ABI2: variants seen among roughly 807,000 people sequenced by gnomAD.
ABI2 encodes abl interactor 2.
In ABI2, 25 loss-of-function variants were observed where a neutral mutation model predicts 59.2. The ratio of observed to expected loss-of-function variants is 0.42; its 90% CI spans 0.31 to 0.59. The LOEUF (loss-of-function observed/expected upper bound fraction) is 0.59. Among genes scored for constraint, ABI2 ranks in the 20% least tolerant of loss-of-function variants. The pLI is 0.14. For missense variants in ABI2, 545 were observed against 681.8 expected (o/e 0.80, Z 2.23); for synonymous variants, 213 against 235.5 (o/e 0.90, Z 0.87).
intron 9 of ABI2, among the ~76,000 whole-genome samples, chr2:203,409,634 G>A (rs1174556760): frequency 6.6e-6 from 1 of 152,124 alleles, no homozygotes; most frequent in Non-Finnish European, 1.5e-5. Flanking sequence ...ATCATTAATT[G>A]CCAACTACTC....
rs753286343 is a variant in ABI2, at chr2:203,431,235, GTTT to G, written c.*3885_*3887del. The G allele has an allele frequency of 6.6e-6, 1 of 152,528 alleles. No individual in the cohort carries two copies. Among genetic ancestry groups the G allele is most frequent in the Admixed American group, 6.5e-5 (1 of 15,268 alleles). 9.4% of individuals were successfully genotyped at this position (152,528 alleles called of 1,614,324 possible). ...TTGTCTCATTAGACTGATGAGGTGA[GTTT>G]TCTTCTTCATATGAACAGCTAGTTA... On this transcript the variant is annotated 3_prime_UTR_variant, in exon 12 of 12. Coordinates refer to ENST00000261018, the MANE Select transcript of ABI2 (RefSeq NM_001375670.1).
intron 1 of ABI2, among the ~76,000 whole-genome samples, chr2:203,330,551 T>C (rs953673780): frequency 1.3e-5 from 2 of 152,208 alleles, no homozygotes; most frequent in African/African-American, 4.8e-5. Flanking sequence ...TACTCTGTAG[T>C]GCACTGCTGG....
intron 1 of ABI2, among the ~76,000 whole-genome samples, chr2:203,339,692 T>A (rs2152481999): frequency 6.6e-6 from 1 of 151,956 alleles, no homozygotes; most frequent in East Asian, 1.9e-4. Flanking sequence ...GGGAATGAAA[T>A]CATTATCTCA....
chr2:203,337,255 CT>C (rs1281974702), intron 1 of ABI2, among the ~76,000 whole-genome samples: 1 of 152,222 alleles, frequency 6.6e-6, no homozygotes, highest in Non-Finnish European at 1.5e-5. Context: ...ACCCTAAAGA[CT>C]CCACCAAAAG....
rs1489370821 is a variant in ABI2, at chr2:203,391,130, A to C, written c.565A>C (p.Lys189Gln). 1.2e-6 allele frequency: 2 copies of C among 1,612,650 alleles called. No homozygotes were observed. The highest frequency in any genetic ancestry group is 1.7e-6 in the Non-Finnish European group (2 of 1,179,248). ...GCCCCCTAGTCCCCCTATGTCAGGG[A>C]AAGGGACACTTGGGTGAGTATATAA... ...QKPPSPPMSG[K>Q]GTLGRHSPYR... Residue 189 changes from lysine to glutamine, a missense_variant, in exon 5 of 12, where the codon AAA becomes CAA. Physicochemically the swap from Lys to Gln is moderately conservative, Grantham distance 53. Around this residue, in one of 4 missense-constraint regions of ABI2, gnomAD observed 410 missense variants for 435.6 expected, o/e 0.94. Transcript: ENST00000261018.
intron 1 of ABI2, among the ~76,000 whole-genome samples, chr2:203,334,860 C>T (rs1261689423): frequency 6.6e-6 from 1 of 152,030 alleles, no homozygotes; most frequent in African/African-American, 2.4e-5. Flanking sequence ...GGGGTTTCAC[C>T]GTATTGGCCA....
At chr2:203,406,859 C>T (rs2153475045) in intron 9 of ABI2, among the ~76,000 whole-genome samples, 1 of 152,152 alleles carries the variant, frequency 6.6e-6, no homozygotes, top group Middle Eastern at 3.4e-3. Flanking sequence ...GACAAGCTTT[C>T]ACCGGGTTGG....
chr2:203,389,973 A>G (rs1238970752), intron 4 of ABI2, among the ~76,000 whole-genome samples: 1 of 152,192 alleles, frequency 6.6e-6, no homozygotes, highest in African/African-American at 2.4e-5. Context: ...ACTATGTTAC[A>G]TCTTTCTCAT....
At chr2:203,404,963 G>A (rs2097366710) in intron 9 of ABI2, among the ~76,000 whole-genome samples, 1 of 152,172 alleles carries the variant, frequency 6.6e-6, no homozygotes, top group Non-Finnish European at 1.5e-5. Flanking sequence ...ATATTTAAAT[G>A]CATTTTATAA....
intron 2 of ABI2, among the ~76,000 whole-genome samples, chr2:203,375,360 T>C (rs917566189): frequency 6.6e-6 from 1 of 152,180 alleles, no homozygotes; most frequent in Non-Finnish European, 1.5e-5. Context: ...CACAGGTGAG[T>C]GCTGTTATTG....
At chr2:203,417,207 T>C (rs2097929233) in intron 11 of ABI2, 126 bp downstream of exon 11, 5 of 871,494 alleles carry the variant, frequency 5.7e-6, no homozygotes, top group Non-Finnish European at 8.2e-6. Context: ...TGTGCATTTT[T>C]ACTGAGTTTA....
chr2:203,387,384 G>A (rs1490876151), intron 4 of ABI2, among the ~76,000 whole-genome samples: 1 of 152,186 alleles, frequency 6.6e-6, no homozygotes, highest in Non-Finnish European at 1.5e-5. Context: ...GGCTTAATGT[G>A]TGGTGCCAGT....
intron 4 of ABI2, among the ~76,000 whole-genome samples, chr2:203,384,290 G>GTTTTTTTTTTTT (rs796117154): frequency 1.9e-4 from 5 of 26,110 alleles, no homozygotes; most frequent in Admixed American, 3.5e-4. Context: ...TTTTGTTTTT[G>GTTTTTTTTTTTT]TTTTTTTTTT....
chr2:203,398,801 A>G (rs1057060806), intron 8 of ABI2, among the ~76,000 whole-genome samples: 7 of 152,116 alleles, frequency 4.6e-5, no homozygotes, highest in Non-Finnish European at 7.4e-5. Context: ...ATGAAAGCAT[A>G]TAGTATGTAG....
intron 4 of ABI2, among the ~76,000 whole-genome samples, chr2:203,383,961 A>T (rs951698428): frequency 6.6e-6 from 1 of 152,192 alleles, no homozygotes; most frequent in Non-Finnish European, 1.5e-5. Flanking sequence ...AGAGAAAGTC[A>T]TCATACTTTA....
chr2:203,404,436 T>C (rs1262891899), intron 9 of ABI2, among the ~76,000 whole-genome samples: 1 of 152,232 alleles, frequency 6.6e-6, no homozygotes, highest in African/African-American at 2.4e-5. Context: ...TTTTAAATCA[T>C]TCTGAACTTA....
chr2:203,380,779 T>C (rs1182033369), intron 3 of ABI2, among the ~76,000 whole-genome samples: 2 of 152,216 alleles, frequency 1.3e-5, no homozygotes, highest in Non-Finnish European at 2.9e-5. Context: ...AAAAACAAGA[T>C]ATATTAATAG....
chr2:203,364,195 G>A (rs2094008441), intron 1 of ABI2, among the ~76,000 whole-genome samples: 1 of 151,642 alleles, frequency 6.6e-6, no homozygotes, highest in South Asian at 2.1e-4. Flanking sequence ...CTGGGTTCAA[G>A]TGATTCTCCT....
chr2:203,360,667 T>A (rs2093363452), intron 1 of ABI2, among the ~76,000 whole-genome samples: 1 of 152,190 alleles, frequency 6.6e-6, no homozygotes, highest in Admixed American at 6.5e-5. Context: ...GAGATCAGTC[T>A]AACTGGGGCT....
Sources: allele counts gnomAD v4.1 joint callset (sites outside exome capture counted in the v4.1 genomes callset), GRCh38; gene constraint gnomAD v4.1.1; regional missense constraint gnomAD v4.1.1; transcripts MANE v1.5; gene names NCBI Gene and HGNC (gene_info 2026-07-23, HGNC 2026-07-21).